The following ZNF536 variants were observed in gnomAD, a reference collection of about 807,000 sequenced individuals.
The protein encoded by ZNF536 is zinc finger protein 536.
A neutral mutation model predicts 84.5 loss-of-function variants in ZNF536; 13 were observed. The observed-to-expected ratio is 0.15, with a 90% CI of 0.10 to 0.24. The LOEUF (loss-of-function observed/expected upper bound fraction) is 0.24, where lower values mean the gene tolerates loss of function less well. ZNF536 is among the 10% of genes least tolerant of loss of function. The pLI, the probability that ZNF536 is intolerant of heterozygous loss-of-function variation, is 1.00. For synonymous variants in ZNF536, 811 were observed against 742.5 expected (o/e 1.09, Z -1.50); for missense variants, 1,536 against 1,747.5 (o/e 0.88, Z 2.16).
intron 1 of ZNF536, among the ~76,000 whole-genome samples, chr19:30,440,962 C>T (rs1330596794): frequency 1.3e-5 from 2 of 152,014 alleles, no homozygotes; most frequent in African/African-American, 4.8e-5. Flanking sequence ...AAAAGAATTC[C>T]ATACTCAAAC....
intron 2 of ZNF536, among the ~76,000 whole-genome samples, chr19:30,348,830 T>TTTTTTTC: frequency 6.7e-6 from 1 of 148,152 alleles, no homozygotes. Context: ...TTTTTTTTAT[T>TTTTTTTC]TTCACGTGAT....
rs76543742 is a variant in ZNF536, at chr19:30,514,536, G to T, written c.2171-20311G>T. Among the ~76,000 whole-genome samples the T allele has an allele frequency of 2.7e-3, 418 of 152,060 alleles. 1 individual carries two copies. The highest frequency in any genetic ancestry group is 0.026 in the East Asian group (131 of 5,118). On this transcript the variant is annotated intron_variant, in intron 2 of 4. Transcript: ENST00000355537. The stretch of plus-strand genomic sequence containing the variant: ...CCAAGTAGAAGAGTGACCAGTAGAC[G>T]GGAAGACCCAGTGTCCCAACCTGCA...
chr19:30,446,253 A>AT (rs1403591812), intron 2 of ZNF536, among the ~76,000 whole-genome samples: 1 of 147,824 alleles, frequency 6.8e-6, no homozygotes, highest in Admixed American at 6.7e-5. Context: ...TGTCTCAAAA[A>AT]AAAAAAAAAA....
intron 2 of ZNF536, among the ~76,000 whole-genome samples, chr19:30,477,163 T>C (rs1215926151): frequency 6.6e-6 from 1 of 152,208 alleles, no homozygotes; most frequent in African/African-American, 2.4e-5. Flanking sequence ...CTCATCTTGG[T>C]TGTGCCCTTA....
intron 2 of ZNF536, among the ~76,000 whole-genome samples, chr19:30,447,787 A>G (rs1336142856): frequency 6.6e-6 from 1 of 152,172 alleles, no homozygotes; most frequent in Non-Finnish European, 1.5e-5. Context: ...CAGGGTGCAG[A>G]CAGCAAACTG....
At chr19:30,242,284 A>G (rs919769365) in intron 1 of ZNF536, among the ~76,000 whole-genome samples, 6 of 152,138 alleles carry the variant, frequency 3.9e-5, no homozygotes, top group African/African-American at 1.2e-4. Flanking sequence ...AAAATGATCA[A>G]GCTGTCTCAC....
chr19:30,255,933 G>A (rs1599909462), intron 1 of ZNF536, among the ~76,000 whole-genome samples: 1 of 152,236 alleles, frequency 6.6e-6, no homozygotes, highest in Admixed American at 6.5e-5. Flanking sequence ...GTGCTCAGGG[G>A]TGATTAGCAT....
At chr19:30,426,764 G>A (rs1260201454) in intron 1 of ZNF536, among the ~76,000 whole-genome samples, 1 of 152,170 alleles carries the variant, frequency 6.6e-6, no homozygotes, top group African/African-American at 2.4e-5. Context: ...ATTTCATATT[G>A]TCTGAGAGGT....
At chr19:30,432,637 A>G (rs1301543344) in intron 1 of ZNF536, among the ~76,000 whole-genome samples, 1 of 152,110 alleles carries the variant, frequency 6.6e-6, no homozygotes, top group Non-Finnish European at 1.5e-5. Flanking sequence ...ATGCACGCGG[A>G]GCCCTCATCA....
At chr19:30,311,902 C>G (rs2046517292) in intron 2 of ZNF536, among the ~76,000 whole-genome samples, 2 of 152,116 alleles carry the variant, frequency 1.3e-5, no homozygotes. Context: ...GACCTCATCT[C>G]TACGAAAAGT....
chr19:30,505,879 T>A (rs2145420710), intron 2 of ZNF536, among the ~76,000 whole-genome samples: 1 of 152,204 alleles, frequency 6.6e-6, no homozygotes, highest in Non-Finnish European at 1.5e-5. Flanking sequence ...TTGGTCAGGC[T>A]GGTCTCAAAC....
At position 30,557,326 on chromosome 19, in the gene ZNF536, C is replaced by A; in HGVS notation, c.*162C>A. The A allele has an allele frequency of 1.4e-6, 1 of 710,492 alleles. No homozygotes were observed. Among genetic ancestry groups the A allele is most frequent in the Non-Finnish European group, 2.4e-6 (1 of 411,136 alleles). The allele number at this position is 710,492 out of a possible 1,614,324, so 44.0% of individuals were successfully genotyped here. A position where few individuals can be genotyped will look rare whatever the true frequency, so the allele number is the denominator to read the frequency against. On this transcript the variant is annotated 3_prime_UTR_variant, in exon 5 of 5. Transcript: ENST00000355537. ...CATAGGTATGTGTATACACACGGTGCACCAATCTACAGTATATATAGCAGA... is the reference window on the plus strand; with the variant it reads ...CATAGGTATGTGTATACACACGGTGAACCAATCTACAGTATATATAGCAGA...
At chr19:30,383,653 TCTC>T (rs1412719839) in intron 1 of ZNF536, among the ~76,000 whole-genome samples, 1 of 4,298 alleles carries the variant, frequency 2.3e-4, no homozygotes, top group African/African-American at 1.7e-3. Flanking sequence ...TTCCTTTCTT[TCTC>T]TCTTTCTCTT....
intron 2 of ZNF536, among the ~76,000 whole-genome samples, chr19:30,502,584 G>T (rs186130554): frequency 1.3e-5 from 2 of 152,108 alleles, no homozygotes; most frequent in East Asian, 3.9e-4. Flanking sequence ...ACTTATCATC[G>T]TCTCATCAAC....
intron 1 of ZNF536, among the ~76,000 whole-genome samples, chr19:30,678,634 A>T (rs565053368): frequency 6.6e-6 from 1 of 152,192 alleles, no homozygotes; most frequent in Non-Finnish European, 1.5e-5. Context: ...AGATCCTGGC[A>T]CTGGACTCCT....
intron 1 of ZNF536, among the ~76,000 whole-genome samples, chr19:30,279,362 G>A (rs1327765901): frequency 6.6e-6 from 1 of 152,160 alleles, no homozygotes; most frequent in Non-Finnish European, 1.5e-5. Flanking sequence ...GTGGATAATG[G>A]TTGAGTGAGT....
At chr19:30,524,830 G>C (rs1339623204) in intron 2 of ZNF536, among the ~76,000 whole-genome samples, 3 of 152,118 alleles carry the variant, frequency 2.0e-5, no homozygotes, top group Non-Finnish European at 4.4e-5. Flanking sequence ...ATGCTTTAGT[G>C]AAAGTAGAGG....
chr19:30,697,420 C>T (rs887716050), intron 1 of ZNF536, among the ~76,000 whole-genome samples: 3 of 152,166 alleles, frequency 2.0e-5, no homozygotes, highest in African/African-American at 4.8e-5. Context: ...GCAATGGGCA[C>T]GTAGTAGGTG....
intron 2 of ZNF536, among the ~76,000 whole-genome samples, chr19:30,297,428 G>A (rs1018628322): frequency 5.9e-5 from 9 of 152,046 alleles, no homozygotes; most frequent in Admixed American, 2.6e-4. Context: ...AACCCTTGAA[G>A]GTTTTATTAC....
Sources: gnomAD v4.1 joint callset for allele counts (sites outside exome capture counted in the v4.1 genomes callset) on GRCh38, gnomAD v4.1.1 for gene constraint, MANE v1.5 for transcripts, NCBI Gene and HGNC (gene_info 2026-07-23, HGNC 2026-07-21) for gene names.